Variants in NBEAL1 observed in about 807,000 individuals in gnomAD.
NBEAL1 encodes neurobeachin-like protein 1.
NBEAL1 carries 273 observed loss-of-function variants against 351.3 expected under a neutral mutation model. The observed-to-expected ratio is 0.78, with a 90% CI of 0.70 to 0.86. The LOEUF is 0.86. Ranked by LOEUF, NBEAL1 falls within the 40% of genes least tolerant of loss-of-function variation. The pLI is 0.00. For missense variants in NBEAL1, 2,961 were observed against 3,201.3 expected (o/e 0.92, Z 1.81); for synonymous variants, 1,050 against 1,086.4 (o/e 0.97, Z 0.66).
In NBEAL1 at chr2:203,217,755, G is replaced by A; in HGVS notation, c.*401G>A. 1.0e-6 allele frequency: 1 copy of A among 974,836 alleles called. No homozygotes were observed. Among genetic ancestry groups the A allele is most frequent in the Non-Finnish European group, 1.2e-6 (1 of 820,296 alleles). The allele number at this position is 974,836 out of a possible 1,614,324, so 60.4% of individuals were successfully genotyped here. ...TTTCCTATTTACTGACCACTGTAAT[G>A]AAAATATATCAATTTATTTATGGAA... On this transcript the variant is annotated 3_prime_UTR_variant, in exon 56 of 56. Coordinates refer to ENST00000683969, the MANE Select transcript of NBEAL1 (RefSeq NM_001378026.1).
intron 12 of NBEAL1, among the ~76,000 whole-genome samples, chr2:203,105,323 A>G (rs2062412261): frequency 6.6e-6 from 1 of 151,800 alleles, no homozygotes; most frequent in Non-Finnish European, 1.5e-5. Context: ...AAAATTAGCC[A>G]GGCATGGTGG....
chr2:203,152,710 T>C (rs1273244652), intron 35 of NBEAL1, among the ~76,000 whole-genome samples: 2 of 152,072 alleles, frequency 1.3e-5, no homozygotes, highest in Non-Finnish European at 2.9e-5. Context: ...TTTTTTAAGA[T>C]AGGTCTGTGA....
At chr2:203,058,008 T>C (rs751054383) in intron 6 of NBEAL1, among the ~76,000 whole-genome samples, 13 of 151,844 alleles carry the variant, frequency 8.6e-5, no homozygotes, top group Non-Finnish European at 1.9e-4. Context: ...TGCGCCCGGC[T>C]AATTTTTATA....
Position 203,133,081 on chromosome 2 carries a change from C to T in NBEAL1, c.3748C>T (p.Leu1250=). The T allele has an allele frequency of 2.0e-6, 3 of 1,502,016 alleles. No individual in the cohort carries two copies. The highest frequency in any genetic ancestry group is 1.3e-5 in the South Asian group (1 of 78,946). 93.0% of individuals were successfully genotyped at this position (1,502,016 alleles called of 1,614,324 possible). The part of the protein sequence containing the change: ...NTDPVINFKD[L]LSVVYISHRA... The stretch of plus-strand genomic sequence containing the variant: ...AGATCCTGTTATTAATTTCAAAGAT[C>T]TACTATCTGTGGTATATATATCTCA... The change falls in exon 27 of 56, where the codon CTA becomes TTA. Residue 1250 remains leucine, a synonymous_variant. Coordinates refer to ENST00000683969, the MANE Select transcript of NBEAL1 (RefSeq NM_001378026.1).
rs576596669 is a variant in NBEAL1, at chr2:203,224,835, T to C, written c.*7481T>C. Reference sequence around the variant, plus strand: ...AAAAACATTTTAAAGCTGAGCAATTTTTAATAAAGATGTATAAATAATTTT... The same window carrying C: ...AAAAACATTTTAAAGCTGAGCAATTCTTAATAAAGATGTATAAATAATTTT... On this transcript the variant is annotated 3_prime_UTR_variant, in exon 56 of 56. Transcript: ENST00000683969. 6.6e-6 allele frequency among the ~76,000 whole-genome samples: 1 copy of C among 152,188 alleles called. No homozygotes were observed. Among genetic ancestry groups the C allele is most frequent in the Admixed American group, 6.5e-5 (1 of 15,282 alleles).
At chr2:203,092,233 A>G (rs1161249826) in intron 10 of NBEAL1, among the ~76,000 whole-genome samples, 3 of 152,080 alleles carry the variant, frequency 2.0e-5, no homozygotes, top group African/African-American at 7.2e-5. Flanking sequence ...TTTTTTTACT[A>G]ATTTATACAT....
At chr2:203,170,808 T>A (rs2064295541) in intron 39 of NBEAL1, among the ~76,000 whole-genome samples, 1 of 152,226 alleles carries the variant, frequency 6.6e-6, no homozygotes, top group Non-Finnish European at 1.5e-5. Context: ...AACTTGGCAC[T>A]CAAGAACAAT....
intron 4 of NBEAL1, among the ~76,000 whole-genome samples, chr2:203,050,690 G>C (rs528246986): frequency 2.6e-5 from 4 of 152,042 alleles, no homozygotes; most frequent in Non-Finnish European, 5.9e-5. Flanking sequence ...TTACATTTTG[G>C]TATGCATGAA....
chr2:203,152,176 T>C (rs1043596514), intron 35 of NBEAL1, among the ~76,000 whole-genome samples: 3 of 150,782 alleles, frequency 2.0e-5, no homozygotes, highest in African/African-American at 7.3e-5. Flanking sequence ...CAGGCTGGTC[T>C]CCAACTCCTG....
At chr2:203,141,671 C>T (rs2106329513) in intron 31 of NBEAL1, among the ~76,000 whole-genome samples, 1 of 152,004 alleles carries the variant, frequency 6.6e-6, no homozygotes, top group South Asian at 2.1e-4. Flanking sequence ...GTGTGAGCCA[C>T]CACACCTGGC....
chr2:203,162,603 G>A (rs539374579), intron 36 of NBEAL1, among the ~76,000 whole-genome samples: 2 of 152,032 alleles, frequency 1.3e-5, no homozygotes, highest in East Asian at 3.9e-4. Flanking sequence ...AATTAACTTG[G>A]CATGGTGATG....
At chr2:203,126,166 C>A in intron 21 of NBEAL1, 73 bp downstream of exon 21, 1 of 1,339,750 alleles carries the variant, frequency 7.5e-7, no homozygotes, top group Non-Finnish European at 1.0e-6. Flanking sequence ...TTTTTTCTTC[C>A]TAATAAATAT....
chr2:203,022,618 G>A (rs1277904837), intron 2 of NBEAL1, among the ~76,000 whole-genome samples: 1 of 152,066 alleles, frequency 6.6e-6, no homozygotes. Flanking sequence ...TATTTTAAGA[G>A]GAAGAGAGAT....
chr2:203,182,404 C>T (rs2064745206), intron 43 of NBEAL1: 1 of 152,158 alleles, frequency 6.6e-6, no homozygotes, highest in East Asian at 1.9e-4. Context: ...AACTCTTTCT[C>T]ATAAGTTCTC....
At chr2:203,205,596 T>C (rs2065529389) in intron 51 of NBEAL1, among the ~76,000 whole-genome samples, 1 of 152,242 alleles carries the variant, frequency 6.6e-6, no homozygotes, top group African/African-American at 2.4e-5. Flanking sequence ...GCACCATCCT[T>C]GAATTTTTAT....
At chr2:203,097,839 A>G (rs1443527256) in intron 11 of NBEAL1, among the ~76,000 whole-genome samples, 1 of 152,246 alleles carries the variant, frequency 6.6e-6, no homozygotes, top group African/African-American at 2.4e-5. Context: ...ACAAACAATC[A>G]GTACCATTCC....
In NBEAL1 at chr2:203,144,769, T is replaced by C. The variant is rs770518165; in HGVS notation, c.5018T>C (p.Val1673Ala). 1 of 1,614,170 alleles carries C rather than the reference T, an allele frequency of 6.2e-7. No individual in the cohort carries two copies. Among genetic ancestry groups the C allele is most frequent in the Admixed American group, 1.7e-5 (1 of 60,022 alleles). ...SFLIPLVRTL[V>A]SKIYELLFMN... ...CTGATTCCCCTTGTTCGTACCCTGG[T>C]TTCCAAAATTTATGAGCTTCTCTTC... is the stretch of plus-strand genomic sequence containing the variant. The change falls in exon 32 of 56, where the codon GTT becomes GCT. Residue 1673 changes from valine (V) to alanine (A), a missense_variant. Physicochemically the swap from Val to Ala is moderately conservative, Grantham distance 64. Coordinates refer to ENST00000683969, the MANE Select transcript of NBEAL1 (RefSeq NM_001378026.1).
intron 32 of NBEAL1, 42 bp from the exon 33 acceptor site, chr2:203,144,969 C>A: frequency 6.7e-7 from 1 of 1,502,226 alleles, no homozygotes; most frequent in South Asian, 1.3e-5. Flanking sequence ...GAGGTGAAGT[C>A]ATATATTAAA....
intron 18 of NBEAL1, among the ~76,000 whole-genome samples, chr2:203,118,630 C>T (rs1048918479): frequency 1.3e-5 from 2 of 149,202 alleles, no homozygotes; most frequent in Non-Finnish European, 3.0e-5. Flanking sequence ...CTCGCTCTCT[C>T]ACCCAGGCTG....
Sources: gnomAD v4.1 joint callset for allele counts (sites outside exome capture counted in the v4.1 genomes callset) on GRCh38, gnomAD v4.1.1 for gene constraint, MANE v1.5 for transcripts, NCBI Gene and HGNC (gene_info 2026-07-23, HGNC 2026-07-21) for gene names.